MTHFD1L: variants seen among roughly 807,000 people sequenced by gnomAD.
MTHFD1L encodes the protein methylenetetrahydrofolate dehydrogenase (NADP+ dependent) 1 like, also known as monofunctional C1-tetrahydrofolate synthase, mitochondrial.
A neutral mutation model predicts 119.5 loss-of-function variants in MTHFD1L; 81 were observed. The observed-to-expected ratio is 0.68, with a 90% CI of 0.57 to 0.82. The LOEUF (loss-of-function observed/expected upper bound fraction) is 0.82, where lower values mean the gene tolerates loss of function less well. Ranked by LOEUF, MTHFD1L falls within the 40% of genes least tolerant of loss-of-function variation. The pLI is 0.00. For missense variants in MTHFD1L, 1,125 were observed against 1,253.4 expected, an observed-to-expected ratio of 0.90 and a Z score of 1.55; for synonymous variants, 430 against 475.2, an observed-to-expected ratio of 0.90 and a Z score of 1.24.
chr6:151,099,638 C>T (rs1795192720), intron 27 of MTHFD1L: 1 of 1,605,560 alleles, frequency 6.2e-7, no homozygotes, highest in Non-Finnish European at 8.5e-7. Context: ...TGGTGGAAAC[C>T]CAGAGGCATT....
In MTHFD1L at chr6:151,034,536, A is replaced by G. The variant is rs564771089; in HGVS notation, c.2630A>G (p.Tyr877Cys). Residue 877 changes from tyrosine (Y) to cysteine (C), a missense_variant, in exon 25 of 28, where the codon TAT (tyrosine) becomes TGT (cysteine). Around this residue, in one of 3 missense-constraint regions of MTHFD1L, gnomAD observed 1,058 missense variants for 1,151.2 expected, o/e 0.92. Coordinates refer to ENST00000367321, the MANE Select transcript of MTHFD1L (RefSeq NM_015440.5). ...ATAAGGACCATTGCTCAGGCTGTCT[A>G]TGGAGCCAAAGATATTGAACTCTCT... ...DKIRTIAQAV[Y>C]GAKDIELSPE... is the part of the protein sequence containing the mutation. 6.2e-7 allele frequency: 1 copy of G among 1,611,932 alleles called. No homozygotes were observed. The highest frequency in any genetic ancestry group is 1.3e-5 in the African/African-American group (1 of 74,984).
chr6:150,901,349 C>A (rs1032757087), intron 7 of MTHFD1L, among the ~76,000 whole-genome samples: 1 of 152,176 alleles, frequency 6.6e-6, no homozygotes, highest in Admixed American at 6.5e-5. Flanking sequence ...TGGTGAAGCA[C>A]ATCTATAGTC....
At chr6:150,995,344 GTC>G (rs1163035433) in intron 20 of MTHFD1L, among the ~76,000 whole-genome samples, 3 of 151,964 alleles carry the variant, frequency 2.0e-5, no homozygotes, top group Non-Finnish European at 4.4e-5. Context: ...GAGAAACACT[GTC>G]TCTACTAAAA....
chr6:150,882,428 GT>G (rs1161267593), intron 4 of MTHFD1L, among the ~76,000 whole-genome samples: 43 of 152,342 alleles, frequency 2.8e-4, no homozygotes, highest in Non-Finnish European at 4.9e-4. Flanking sequence ...TGACAGAGAA[GT>G]GTCCTTTGTC....
chr6:150,928,587 G>C (rs1790452697), intron 11 of MTHFD1L, among the ~76,000 whole-genome samples: 1 of 150,072 alleles, frequency 6.7e-6, no homozygotes, highest in South Asian at 2.1e-4. Context: ...AGTCACCCAG[G>C]CTGGAGTGCA....
intron 26 of MTHFD1L, among the ~76,000 whole-genome samples, chr6:151,061,648 TC>T (rs1340095750): frequency 3.3e-5 from 5 of 152,182 alleles, no homozygotes; most frequent in African/African-American, 1.2e-4. Context: ...ACTGCACAGT[TC>T]CGTATTGAGT....
At chr6:150,901,681 GTGTC>G (rs1785125469) in intron 7 of MTHFD1L, among the ~76,000 whole-genome samples, 1 of 152,290 alleles carries the variant, frequency 6.6e-6, no homozygotes, top group East Asian at 1.9e-4. Context: ...TCTGTTCTCT[GTGTC>G]TGACCATTGA....
rs1782944352 is a variant in MTHFD1L, at chr6:151,015,676, T to C, written c.2569T>C (p.Phe857Leu). 2 of 1,613,802 alleles carry C rather than the reference T, an allele frequency of 1.2e-6. No individual in the cohort carries two copies. Among genetic ancestry groups the C allele is most frequent in the Non-Finnish European group, 1.7e-6 (2 of 1,179,952 alleles). The change falls in exon 24 of 28, where the codon TTC becomes CTC. Residue 857 changes from phenylalanine (F) to leucine (L), a missense_variant. Physicochemically the swap from Phe to Leu is conservative, Grantham distance 22 (BLOSUM62 0). Coordinates refer to ENST00000367321, the MANE Select transcript of MTHFD1L (RefSeq NM_015440.5). ...EAASKRSRFQ[F>L]LYDVQVPIVD... ...TGCGAGTAAAAGAAGCCGATTCCAG[T>C]TCCTGTATGATGTTCAGGTAAGATC... is the stretch of plus-strand genomic sequence containing the variant.
chr6:150,880,130 G>C (rs1246600712), intron 4 of MTHFD1L, among the ~76,000 whole-genome samples: 1 of 152,132 alleles, frequency 6.6e-6, no homozygotes, highest in Non-Finnish European at 1.5e-5. Flanking sequence ...TTTTCTAGCT[G>C]TCTGGAAATA....
intron 20 of MTHFD1L, among the ~76,000 whole-genome samples, chr6:150,972,500 A>C (rs1026786159): frequency 6.6e-6 from 1 of 152,176 alleles, no homozygotes; most frequent in Non-Finnish European, 1.5e-5. Flanking sequence ...TGGTAAGCAA[A>C]ACAGATAGGC....
At chr6:150,961,663 G>A (rs141170722) in intron 18 of MTHFD1L, among the ~76,000 whole-genome samples, 321 of 152,240 alleles carry the variant, frequency 2.1e-3, no homozygotes, top group African/African-American at 7.6e-3. Flanking sequence ...CAAAGTGTCC[G>A]GATTGTTTTT....
rs1778198773 is a variant in MTHFD1L, at chr6:150,865,836, T to TGCCGCTCGTCCTGCGCCA, written c.17_34dup (p.Pro6_Gln11dup). On this transcript the variant is annotated inframe_insertion, in exon 1 of 28. Transcript: ENST00000367321. ...CCGTCCCGCGCCATGGGCACGCGTC[T>TGCCGCTCGTCCTGCGCCA]GCCGCTCGTCCTGCGCCAGCTCCGC... 1 of 1,263,710 alleles carries TGCCGCTCGTCCTGCGCCA rather than the reference T, an allele frequency of 7.9e-7. No individual in the cohort carries two copies. The highest frequency in any genetic ancestry group is 1.0e-6 in the Non-Finnish European group (1 of 997,508). The allele number at this position is 1,263,710 out of a possible 1,614,324, so 78.3% of individuals were successfully genotyped here.
chr6:151,045,314 G>T (rs894044073), intron 26 of MTHFD1L, among the ~76,000 whole-genome samples: 7 of 152,086 alleles, frequency 4.6e-5, no homozygotes, highest in Non-Finnish European at 7.4e-5. Context: ...CCCATGATGT[G>T]AGAGCGTGCA....
chr6:151,089,543 C>G (rs555431432), intron 26 of MTHFD1L, among the ~76,000 whole-genome samples: 11 of 152,334 alleles, frequency 7.2e-5, no homozygotes, highest in African/African-American at 2.6e-4. Flanking sequence ...GTGGAGATTG[C>G]AGTGAGCCGA....
chr6:151,040,023 C>T (rs565097991), intron 26 of MTHFD1L, among the ~76,000 whole-genome samples: 6 of 152,234 alleles, frequency 3.9e-5, no homozygotes, highest in Non-Finnish European at 7.4e-5. Flanking sequence ...CTGGTGAAAG[C>T]CTTGGCTTAG....
chr6:150,884,030 G>A (rs1043246264), intron 5 of MTHFD1L, among the ~76,000 whole-genome samples: 6 of 152,074 alleles, frequency 3.9e-5, no homozygotes, highest in African/African-American at 1.4e-4. Flanking sequence ...TCCTGGCTGG[G>A]CACAGTGGCT....
intron 5 of MTHFD1L, among the ~76,000 whole-genome samples, chr6:150,883,881 C>T (rs1168094661): frequency 2.6e-5 from 4 of 152,230 alleles, no homozygotes; most frequent in African/African-American, 7.2e-5. Flanking sequence ...AGTTAGATTC[C>T]AGATCCGGTA....
rs1391532390 is a variant in MTHFD1L at position 150,936,856 on chromosome 6, G to A, written c.1309G>A (p.Val437Met). ...EGKSTVTIGL[V>M]QALTAHLNVN... Reference sequence around the variant, plus strand: ...GAAGAGCACAGTCACCATCGGGCTTGTGCAGGCTCTGACCGCACACCTGAA... The same window carrying A: ...GAAGAGCACAGTCACCATCGGGCTTATGCAGGCTCTGACCGCACACCTGAA... The change falls in exon 12 of 28, where the codon GTG becomes ATG. Residue 437 changes from valine to methionine, a missense_variant. By Grantham distance (21) the Val-to-Met change is conservative. This residue lies in a region of MTHFD1L where 1,058 missense variants were observed against 1,151.2 expected (regional missense o/e 0.92). Coordinates refer to ENST00000367321, the MANE Select transcript of MTHFD1L (RefSeq NM_015440.5). 1.9e-6 allele frequency: 3 copies of A among 1,614,150 alleles called. No individual in the cohort carries two copies. The highest frequency in any genetic ancestry group is 8.5e-7 in the Non-Finnish European group (1 of 1,180,014).
intron 7 of MTHFD1L, among the ~76,000 whole-genome samples, chr6:150,894,793 G>A (rs142791313): frequency 2.0e-5 from 3 of 152,282 alleles, no homozygotes; most frequent in East Asian, 1.9e-4. Context: ...AAATCTCCAC[G>A]GAGCCTGAGC....
Sources: allele counts gnomAD v4.1 joint callset (sites outside exome capture counted in the v4.1 genomes callset), GRCh38; gene constraint gnomAD v4.1.1; regional missense constraint gnomAD v4.1.1; transcripts MANE v1.5; gene names NCBI Gene and HGNC (gene_info 2026-07-23, HGNC 2026-07-21).